ADGRV1: variants seen among roughly 807,000 people sequenced by gnomAD.
ADGRV1 encodes the protein adhesion G protein-coupled receptor V1, also known as G-protein coupled receptor 98.
ADGRV1 carries 359 observed loss-of-function variants against 596.2 expected under a neutral mutation model. The ratio of observed to expected loss-of-function variants is 0.60; its 90% CI spans 0.55 to 0.66. The LOEUF (loss-of-function observed/expected upper bound fraction) is 0.66. ADGRV1 is among the 30% of genes least tolerant of loss of function. ADGRV1 has a pLI of 0.00. For missense variants in ADGRV1, 7,274 were observed against 7,575.6 expected, an observed-to-expected ratio of 0.96 and a Z score of 1.48; for synonymous variants, 2,681 against 2,679.2, an observed-to-expected ratio of 1.00 and a Z score of -0.02.
At chr5:91,035,861 T>TAATATATATAA in intron 85 of ADGRV1, among the ~76,000 whole-genome samples, 1 of 96,402 alleles carries the variant, frequency 1.0e-5, no homozygotes, top group African/African-American at 3.8e-5. Context: ...TATATATATA[T>TAATATATATAA]TATATATATA....
chr5:90,652,488 A>C lies in ADGRV1; in HGVS notation c.3559A>C (p.Ile1187Leu), dbSNP rs16868935. 1 of 1,613,474 alleles carries C rather than the reference A, an allele frequency of 6.2e-7. No homozygotes were observed. Among genetic ancestry groups the C allele is most frequent in the South Asian group, 1.1e-5 (1 of 91,020 alleles). Reference sequence around the variant, plus strand: ...CATGGATGGAGAAGAAGCAAAACCAATCATTCTCCATGCTTTTCCAGATAA... The same window carrying C: ...CATGGATGGAGAAGAAGCAAAACCACTCATTCTCCATGCTTTTCCAGATAA... ...NFMDGEEAKP[I>L]ILHAFPDKIP... Residue 1187 changes from isoleucine to leucine, a missense_variant, in exon 19 of 90, where the codon ATC (isoleucine) becomes CTC (leucine). Physicochemically the swap from Ile to Leu is conservative, Grantham distance 5. Transcript: ENST00000405460.
At chr5:90,967,081 A>G (rs1423813069) in intron 84 of ADGRV1, among the ~76,000 whole-genome samples, 6 of 152,154 alleles carry the variant, frequency 3.9e-5, no homozygotes, top group African/African-American at 1.4e-4. Flanking sequence ...ACACAGGCTC[A>G]AGGAAGGGTT....
Position 90,781,591 on chromosome 5 carries a change from A to AG in ADGRV1, c.13231+14dup. On this transcript the variant is annotated intron_variant, in intron 65 of 89. Coordinates refer to ENST00000405460, the MANE Select transcript of ADGRV1 (RefSeq NM_032119.4). The stretch of plus-strand genomic sequence containing the variant: ...ACTGCCTTCGAAGGTAGGTTCAGTC[A>AG]GCTAGCTTGTAAGTAAGTTTACTAC... 1 of 1,586,742 alleles carries AG rather than the reference A, an allele frequency of 6.3e-7. No homozygotes were observed. The highest frequency in any genetic ancestry group is 8.6e-7 in the Non-Finnish European group (1 of 1,165,356).
intron 83 of ADGRV1, among the ~76,000 whole-genome samples, chr5:90,912,444 G>A (rs1242620341): frequency 6.6e-6 from 1 of 152,128 alleles, no homozygotes; most frequent in Non-Finnish European, 1.5e-5. Context: ...AGGGTATATT[G>A]CATGATGCTG....
At chr5:91,138,928 C>T (rs1259341533) in intron 87 of ADGRV1, among the ~76,000 whole-genome samples, 1 of 152,138 alleles carries the variant, frequency 6.6e-6, no homozygotes, top group Non-Finnish European at 1.5e-5. Context: ...TGTGCCACCA[C>T]ACCCAGCTAA....
At chr5:90,579,300 G>A (rs989853910) in intron 1 of ADGRV1, among the ~76,000 whole-genome samples, 14 of 152,156 alleles carry the variant, frequency 9.2e-5, no homozygotes, top group African/African-American at 3.4e-4. Flanking sequence ...ATTCTGGTAT[G>A]TTGTGTCTTT....
intron 85 of ADGRV1, among the ~76,000 whole-genome samples, chr5:90,992,641 G>A (rs1781066939): frequency 6.6e-6 from 1 of 152,188 alleles, no homozygotes. Context: ...TCTTTGTGTA[G>A]AATAGGAAGC....
rs148878310 is a variant in ADGRV1, at chr5:90,768,140, A to C, written c.12285+4671A>C. 8.1e-3 allele frequency among the ~76,000 whole-genome samples: 1,230 copies of C among 152,358 alleles called. 9 individuals are homozygous for C. The highest frequency in any genetic ancestry group is 0.02 in the Middle Eastern group (6 of 294). On this transcript the variant is annotated intron_variant, in intron 59 of 89. Coordinates refer to ENST00000405460, the MANE Select transcript of ADGRV1 (RefSeq NM_032119.4). ...TTCTTGTTTTGAGCATAAAATCTAC[A>C]TTAAAATGGCAAATAGTCTGATCTT...
At position 90,783,217 on chromosome 5, in the gene ADGRV1, C is replaced by G; in HGVS notation, c.13325C>G (p.Ser4442Cys). ...GCTGATTTCATCTCTCAGAGCTCCT[C>G]TGCCAGTCCCGGAGGTGTTGATTAC... ...VTADFISQSS[S>C]ASPGGVDYIL... Residue 4442 changes from serine (S) to cysteine (C), a missense_variant, in exon 66 of 90, where the codon TCT becomes TGT. Physicochemically the swap from Ser to Cys is moderately radical, Grantham distance 112 (BLOSUM62 -1). This residue lies in a region of ADGRV1 where 3,643 missense variants were observed against 3,809.2 expected (regional missense o/e 0.96). Transcript: ENST00000405460. 1 of 1,613,636 alleles carries G rather than the reference C, an allele frequency of 6.2e-7. No individual in the cohort carries two copies. Among genetic ancestry groups the G allele is most frequent in the Middle Eastern group, 1.7e-4 (1 of 6,060 alleles).
intron 50 of ADGRV1, among the ~76,000 whole-genome samples, chr5:90,744,170 A>G (rs554733470): frequency 6.6e-6 from 1 of 152,092 alleles, no homozygotes; most frequent in East Asian, 1.9e-4. Context: ...TGTTTTTTGT[A>G]AAGACAGGCT....
intron 1 of ADGRV1, among the ~76,000 whole-genome samples, chr5:90,572,660 A>G (rs1198309053): frequency 6.6e-6 from 1 of 152,202 alleles, no homozygotes; most frequent in East Asian, 1.9e-4. Context: ...GCACACACAC[A>G]TGAATTAACA....
At chr5:90,987,840 A>C (rs1780621858) in intron 85 of ADGRV1, among the ~76,000 whole-genome samples, 1 of 152,146 alleles carries the variant, frequency 6.6e-6, no homozygotes, top group African/African-American at 2.4e-5. Context: ...GGAAGAGCTA[A>C]GAATTTTTAA....
chr5:90,684,332 A>G, intron 28 of ADGRV1, 137 bp downstream of exon 28: 1 of 799,152 alleles, frequency 1.3e-6, no homozygotes, highest in Non-Finnish European at 1.9e-6. Context: ...ACAACAGTTT[A>G]CCTGTAAGGT....
intron 22 of ADGRV1, among the ~76,000 whole-genome samples, chr5:90,673,208 TA>T (rs1470329309): frequency 1.3e-5 from 2 of 152,174 alleles, no homozygotes; most frequent in Non-Finnish European, 2.9e-5. Context: ...ATCTATTTTC[TA>T]AAATACTGTT....
At chr5:91,041,117 C>A (rs1191183295) in intron 85 of ADGRV1, among the ~76,000 whole-genome samples, 1 of 152,120 alleles carries the variant, frequency 6.6e-6, no homozygotes, top group Non-Finnish European at 1.5e-5. Context: ...TACCGTTTGA[C>A]CCAGCAATCC....
chr5:90,960,149 A>AC (rs1205389600), intron 83 of ADGRV1, among the ~76,000 whole-genome samples: 4 of 143,990 alleles, frequency 2.8e-5, no homozygotes, highest in Non-Finnish European at 5.9e-5. Flanking sequence ...AAAAAAAAAA[A>AC]AAAACAAAAA....
chr5:91,116,005 G>A (rs1792821357), intron 87 of ADGRV1, among the ~76,000 whole-genome samples: 1 of 151,952 alleles, frequency 6.6e-6, no homozygotes, highest in South Asian at 2.1e-4. Context: ...TACAACTAAA[G>A]GTACTTGCGC....
chr5:91,010,078 A>G (rs573217601), intron 85 of ADGRV1, among the ~76,000 whole-genome samples: 1 of 152,066 alleles, frequency 6.6e-6, no homozygotes, highest in Non-Finnish European at 1.5e-5. Context: ...GAATTGGCCT[A>G]TGGTAGATTA....
At position 90,854,069 on chromosome 5, in the gene ADGRV1, C is replaced by A. The variant is rs765943448; in HGVS notation, c.17462C>A (p.Ser5821Tyr). ...CTGTTTTTAACATTCTAGGTATTAT[C>A]TTTGAGTGTGAAAGGTCAGAGTTCA... is the stretch of plus-strand genomic sequence containing the variant. Reference protein sequence around the residue: ...NLPTLKNKVLSLSVKGQSSQL... With the variant: ...NLPTLKNKVLYLSVKGQSSQL... Residue 5821 changes from serine (S) to tyrosine (Y), a missense_variant, in exon 81 of 90, where the codon TCT becomes TAT. Physicochemically the swap from Ser to Tyr is moderately radical, Grantham distance 144. Coordinates refer to ENST00000405460, the MANE Select transcript of ADGRV1 (RefSeq NM_032119.4). The A allele has an allele frequency of 1.3e-6, 2 of 1,578,532 alleles. No individual in the cohort carries two copies. The highest frequency in any genetic ancestry group is 1.7e-6 in the Non-Finnish European group (2 of 1,157,144).
Sources: gnomAD v4.1 joint callset for allele counts (sites outside exome capture counted in the v4.1 genomes callset) on GRCh38, gnomAD v4.1.1 for gene constraint, gnomAD v4.1.1 regional missense constraint, MANE v1.5 for transcripts, NCBI Gene and HGNC (gene_info 2026-07-23, HGNC 2026-07-21) for gene names.